The following GRAMD1B variants were observed in gnomAD, a reference collection of about 807,000 sequenced individuals.
The protein encoded by GRAMD1B is protein Aster-B.
In GRAMD1B, 37 loss-of-function variants were observed where a neutral mutation model predicts 99.7. That is an observed-to-expected ratio of 0.37 (90% confidence interval 0.29 to 0.49). The LOEUF (loss-of-function observed/expected upper bound fraction) is 0.49. Ranked by LOEUF, GRAMD1B falls within the 20% of genes least tolerant of loss-of-function variation. The pLI is 0.98. For synonymous variants in GRAMD1B, 427 were observed against 387.6 expected, an observed-to-expected ratio of 1.10 and a Z score of -1.19; for missense variants, 888 against 1,009.2, an observed-to-expected ratio of 0.88 and a Z score of 1.63.
At position 123,510,906 on chromosome 11, in the gene GRAMD1B, T is replaced by G. The variant is rs1410342009; in HGVS notation, c.452+30013T>G. On this transcript the variant is annotated intron_variant, in intron 2 of 19. Coordinates refer to ENST00000635736, the MANE Select transcript of GRAMD1B (RefSeq NM_001387025.1). This position sits in a 1 kb window ranked among gnomAD's most constrained non-coding sequence, Gnocchi z 4.3. The stretch of plus-strand genomic sequence containing the variant: ...GGTCCTACAAAGCACATGCCCCACC[T>G]TGGTGTGCTTGGAAGTCGGAGTGGG... Among the ~76,000 whole-genome samples the G allele has an allele frequency of 6.6e-6, 1 of 152,126 alleles. No homozygotes were observed. The highest frequency in any genetic ancestry group is 2.4e-5 in the African/African-American group (1 of 41,432).
At position 123,618,703 on chromosome 11, in the gene GRAMD1B, C is replaced by T. The variant is rs1338941094; in HGVS notation, c.2329C>T (p.Leu777=). Residue 777 remains leucine (L), a synonymous_variant, in exon 18 of 20, where the codon CTG becomes TTG. Transcript: ENST00000635736. ...LLVISCVLVL[L]VILNMMLFYK... ...ACGTCTCCTTCCTAGTCTGGTGCTG[C>T]TGGTCATCCTTAACATGATGCTCTT... 6.4e-7 allele frequency: 1 copy of T among 1,568,218 alleles called. No homozygotes were observed. Among genetic ancestry groups the T allele is most frequent in the Non-Finnish European group, 8.7e-7 (1 of 1,149,718 alleles).
At chr11:123,560,127 G>A in intron 2 of GRAMD1B, 1 of 864,730 alleles carries the variant, frequency 1.2e-6, no homozygotes, top group Non-Finnish European at 1.4e-6. Flanking sequence ...TTGAGCGCCG[G>A]CAAGCTGACT....
chr11:123,466,140 G>C (rs1200729927), intron 1 of GRAMD1B, among the ~76,000 whole-genome samples: 1 of 152,014 alleles, frequency 6.6e-6, no homozygotes. Context: ...GCTGGGAGTG[G>C]TGGTGGACGC....
At chr11:123,580,199 G>A (rs192109914) in intron 3 of GRAMD1B, among the ~76,000 whole-genome samples, 7 of 152,316 alleles carry the variant, frequency 4.6e-5, no homozygotes, top group Admixed American at 2.6e-4. Flanking sequence ...GGCCTGGGAC[G>A]TGCATGTGCA....
intron 1 of GRAMD1B, among the ~76,000 whole-genome samples, chr11:123,438,501 G>A (rs567974152): frequency 9.9e-5 from 15 of 152,238 alleles, no homozygotes; most frequent in African/African-American, 2.6e-4. Flanking sequence ...CCCTGTTGAC[G>A]GTCTAGGTGG....
Position 123,606,750 on chromosome 11 carries a change from G to A in GRAMD1B, c.1465G>A (p.Glu489Lys), listed in dbSNP as rs1952793461. 3.7e-6 allele frequency: 6 copies of A among 1,613,892 alleles called. No individual in the cohort carries two copies. Among genetic ancestry groups the A allele is most frequent in the Non-Finnish European group, 3.4e-6 (4 of 1,179,848 alleles). The change falls in exon 11 of 20, where the codon GAG becomes AAG. Residue 489 changes from glutamate (E) to lysine (K), a missense_variant. By Grantham distance (56) the Glu-to-Lys change is moderately conservative. This residue lies in a region of GRAMD1B where 269 missense variants were observed against 296.6 expected (regional missense o/e 0.91). Transcript: ENST00000635736. ...CCCTTCACTGGACTTCAATGACAAT[G>A]AGGACATCCCCACTGAGCTCAGTGA... Reference protein sequence around the residue: ...NSPSLDFNDNEDIPTELSDSS... With the variant: ...NSPSLDFNDNKDIPTELSDSS...
intron 1 of GRAMD1B, among the ~76,000 whole-genome samples, chr11:123,365,507 C>T (rs1946290027): frequency 6.6e-6 from 1 of 152,222 alleles, no homozygotes; most frequent in Admixed American, 6.5e-5. Context: ...CCACCTTAGC[C>T]TCCCAAAGTG....
chr11:123,495,723 C>T (rs577695859), intron 2 of GRAMD1B, among the ~76,000 whole-genome samples: 7 of 130,402 alleles, frequency 5.4e-5, no homozygotes, highest in East Asian at 4.3e-4. Flanking sequence ...TTTTGTGCAT[C>T]GGTTGTGTGT....
chr11:123,526,183 A>T, intron 2 of GRAMD1B: 1 of 1,609,936 alleles, frequency 6.2e-7, no homozygotes, highest in Non-Finnish European at 8.5e-7. Context: ...TAAGTAGAGG[A>T]GGGATAGGGC....
chr11:123,372,643 A>T (rs761455712), intron 1 of GRAMD1B, among the ~76,000 whole-genome samples: 7 of 152,174 alleles, frequency 4.6e-5, no homozygotes, highest in African/African-American at 1.7e-4. Flanking sequence ...AAAGTTTTTC[A>T]TCAGTACCCA....
upstream of GRAMD1B, among the ~76,000 whole-genome samples, chr11:123,425,457 C>A (rs368478597): frequency 7.9e-5 from 12 of 152,294 alleles, no homozygotes; most frequent in East Asian, 2.3e-3. Flanking sequence ...GTGTCAAGTA[C>A]AAGGGCAGCC....
chr11:123,542,980 T>A (rs1219478202), intron 2 of GRAMD1B, among the ~76,000 whole-genome samples: 1 of 152,190 alleles, frequency 6.6e-6, no homozygotes, highest in Non-Finnish European at 1.5e-5. Context: ...TTTTTCTTTT[T>A]TTTTTTAAAT....
rs1948836972 is a variant in GRAMD1B at position 123,430,740 on chromosome 11, C to G, written c.-53C>G. 2 of 612,060 alleles carry G rather than the reference C, an allele frequency of 3.3e-6. No homozygotes were observed. The highest frequency in any genetic ancestry group is 1.9e-5 in the South Asian group (1 of 52,214). 37.9% of individuals were successfully genotyped at this position (612,060 alleles called of 1,614,324 possible). A position where few individuals can be genotyped will look rare whatever the true frequency, so the allele number is the denominator to read the frequency against. On this transcript the variant is annotated 5_prime_UTR_variant, in exon 1 of 20. Transcript: ENST00000635736. The stretch of plus-strand genomic sequence containing the variant: ...GGTGGGGAACAGCCAGAGGGAGACG[C>G]GAACCAGGCCGCTGGCGGAGGGCTC...
chr11:123,612,629 G>A (rs1249041913), intron 14 of GRAMD1B, 132 bp from the exon 15 acceptor site: 1 of 699,960 alleles, frequency 1.4e-6, no homozygotes, highest in East Asian at 2.7e-5. Flanking sequence ...GATGGATGTG[G>A]AAGGACCTTT....
At chr11:123,407,268 A>AT (rs11377807) in intron 1 of GRAMD1B, among the ~76,000 whole-genome samples, 139,615 of 148,954 alleles carry the variant, frequency 0.94, 65,464 homozygotes, top group East Asian at 0.99. Flanking sequence ...CTTCCTTTGA[A>AT]TTTTTTTTTT....
intron 1 of GRAMD1B, among the ~76,000 whole-genome samples, chr11:123,385,290 C>T (rs372680878): frequency 6.6e-6 from 1 of 152,198 alleles, no homozygotes; most frequent in African/African-American, 2.4e-5. Context: ...TGAGCTCAAG[C>T]TCTCCTTAAC....
At chr11:123,524,477 A>T (rs1314391045) in intron 2 of GRAMD1B, among the ~76,000 whole-genome samples, 1 of 151,974 alleles carries the variant, frequency 6.6e-6, no homozygotes, top group Non-Finnish European at 1.5e-5. Context: ...AGTAACTGGG[A>T]TTACAAGCAC....
chr11:123,435,243 C>A (rs1311671020), intron 1 of GRAMD1B, among the ~76,000 whole-genome samples: 1 of 152,150 alleles, frequency 6.6e-6, no homozygotes, highest in Admixed American at 6.5e-5. Context: ...TCCACATTCC[C>A]CACCCCAAAT....
chr11:123,421,673 T>C (rs1213703339), intron 1 of GRAMD1B, among the ~76,000 whole-genome samples: 1 of 152,220 alleles, frequency 6.6e-6, no homozygotes, highest in Non-Finnish European at 1.5e-5. Context: ...TCAGACAGAA[T>C]TAATATATCT....
Sources: allele counts gnomAD v4.1 joint callset (sites outside exome capture counted in the v4.1 genomes callset), GRCh38; gene constraint gnomAD v4.1.1; regional missense constraint gnomAD v4.1.1; non-coding constraint Gnocchi (gnomAD v3.1); transcripts MANE v1.5; gene names NCBI Gene and HGNC (gene_info 2026-07-23, HGNC 2026-07-21).